CCDC33: variants seen among roughly 807,000 people sequenced by gnomAD.
CCDC33 encodes coiled-coil domain containing 33.
A neutral mutation model predicts 91.9 loss-of-function variants in CCDC33; 94 were observed. The ratio of observed to expected loss-of-function variants is 1.02; its 90% CI spans 0.87 to 1.21. The LOEUF is 1.21. Ranked by LOEUF, CCDC33 falls within the 50% of genes most tolerant of loss-of-function variation. The pLI is 0.00. For missense variants in CCDC33, 940 were observed against 935.5 expected, an observed-to-expected ratio of 1.00 and a Z score of -0.06; for synonymous variants, 396 against 374.5, an observed-to-expected ratio of 1.06 and a Z score of -0.66.
intron 2 of CCDC33, among the ~76,000 whole-genome samples, chr15:74,222,067 G>A (rs2074613330): frequency 6.6e-6 from 1 of 152,172 alleles, no homozygotes. Flanking sequence ...GATGTGACTC[G>A]GCTGGACATT....
chr15:74,217,709 A>C, intron 1 of CCDC33: 1 of 732,788 alleles, frequency 1.4e-6, no homozygotes, highest in South Asian at 2.2e-5. Context: ...CTGCATCCCA[A>C]AGCTCTGCCG....
chr15:74,215,644 T>C (rs1348839719), upstream of CCDC33, among the ~76,000 whole-genome samples: 3 of 152,020 alleles, frequency 2.0e-5, no homozygotes, highest in African/African-American at 7.2e-5. Context: ...GTGTGGACAT[T>C]AGGTGGTGGA....
intron 11 of CCDC33, among the ~76,000 whole-genome samples, chr15:74,319,358 C>A (rs560854123): frequency 6.6e-6 from 1 of 152,314 alleles, no homozygotes; most frequent in African/African-American, 2.4e-5. Context: ...TTCCCCCACC[C>A]AATGTGGGGC....
chr15:74,301,121 T>C (rs1249112171), intron 11 of CCDC33: 1 of 152,102 alleles, frequency 6.6e-6, no homozygotes, highest in African/African-American at 2.4e-5. Flanking sequence ...GTGTTAAGGT[T>C]CATCCTGAAC....
At chr15:74,327,460 C>T (rs1260755839) in intron 11 of CCDC33, among the ~76,000 whole-genome samples, 1 of 152,124 alleles carries the variant, frequency 6.6e-6, no homozygotes, top group Non-Finnish European at 1.5e-5. Context: ...CATGGTGAAA[C>T]TCCATCTCTA....
At chr15:74,323,175 AG>A (rs2060239963) in intron 11 of CCDC33, among the ~76,000 whole-genome samples, 2 of 152,040 alleles carry the variant, frequency 1.3e-5, no homozygotes, top group Non-Finnish European at 2.9e-5. Context: ...CCTTACCCAC[AG>A]CACCCAGCAT....
chr15:74,336,169 A>G, downstream of CCDC33: 1 of 1,480,286 alleles, frequency 6.8e-7, no homozygotes, highest in Non-Finnish European at 9.0e-7. Flanking sequence ...GGAGCAGGGC[A>G]GCCTGGGGGC....
intron 2 of CCDC33, among the ~76,000 whole-genome samples, chr15:74,260,389 C>T (rs906156926): frequency 2.6e-5 from 4 of 152,164 alleles, no homozygotes; most frequent in Admixed American, 1.3e-4. Context: ...AGAAGGACTC[C>T]GGCTCTCTGG....
In CCDC33 at chr15:74,298,569, C is replaced by T. The variant is rs188591554; in HGVS notation, c.1290+2621C>T. 3.2e-3 allele frequency among the ~76,000 whole-genome samples: 491 copies of T among 152,182 alleles called. 4 individuals are homozygous for T. Among genetic ancestry groups the T allele is most frequent in the African/African-American group, 0.011 (476 of 41,524 alleles). On this transcript the variant is annotated intron_variant, in intron 11 of 18. Transcript: ENST00000398814. ...TTTGTTTGTTTTCGAGATGGAGTTTCGCTCTTGTTATCCAGGCTGGAGTGC... is the reference window on the plus strand; with the variant it reads ...TTTGTTTGTTTTCGAGATGGAGTTTTGCTCTTGTTATCCAGGCTGGAGTGC...
intron 10 of CCDC33, among the ~76,000 whole-genome samples, chr15:74,283,820 C>CACACA (rs56079858): frequency 0.032 from 4,668 of 147,622 alleles, 81 homozygotes; most frequent in African/African-American, 0.047. Flanking sequence ...ACACACACAC[C>CACACA]CCCTCTACAT....
intron 11 of CCDC33, among the ~76,000 whole-genome samples, chr15:74,309,265 G>A (rs2059947036): frequency 6.6e-6 from 1 of 152,150 alleles, no homozygotes; most frequent in Non-Finnish European, 1.5e-5. Context: ...TTCTACCCAT[G>A]CTCAATGGCA....
chr15:74,271,699 C>G lies in CCDC33; in HGVS notation c.547-4C>G. ...TCACCTGCCTCCTCTCCTCTCCTCT[C>G]CAGATCTTTCTCCGGGGAGTCAACG... On this transcript the variant is annotated splice_region_variant and splice_polypyrimidine_tract_variant and intron_variant, in intron 5 of 18. Coordinates refer to ENST00000398814, the MANE Select transcript of CCDC33 (RefSeq NM_025055.5). 6.2e-7 allele frequency: 1 copy of G among 1,612,776 alleles called. No homozygotes were observed. The highest frequency in any genetic ancestry group is 8.5e-7 in the Non-Finnish European group (1 of 1,178,830).
intron 2 of CCDC33, among the ~76,000 whole-genome samples, chr15:74,256,039 C>T (rs1366354499): frequency 6.6e-6 from 1 of 152,252 alleles, no homozygotes; most frequent in Non-Finnish European, 1.5e-5. Flanking sequence ...GCAGTGGGAA[C>T]TGAGCTCCAG....
At chr15:74,275,678 CT>C (rs551722321) in intron 7 of CCDC33, among the ~76,000 whole-genome samples, 66 of 146,118 alleles carry the variant, frequency 4.5e-4, no homozygotes, top group East Asian at 4.0e-4. Flanking sequence ...GGCAGCCTCT[CT>C]TTTTTTTTTT....
chr15:74,295,514 G>GAACA (rs560223188), intron 10 of CCDC33, among the ~76,000 whole-genome samples: 56 of 152,262 alleles, frequency 3.7e-4, no homozygotes, highest in Non-Finnish European at 5.9e-4. Context: ...TCCAGGAAGA[G>GAACA]AACAGCAAAT....
At chr15:74,272,224 C>G (rs1431357557) in intron 6 of CCDC33, among the ~76,000 whole-genome samples, 1 of 152,086 alleles carries the variant, frequency 6.6e-6, no homozygotes, top group Non-Finnish European at 1.5e-5. Context: ...GCCACAGGCT[C>G]CAGCCAGTGG....
intron 1 of CCDC33, among the ~76,000 whole-genome samples, chr15:74,239,989 C>T (rs2075295265): frequency 6.6e-6 from 1 of 152,226 alleles, no homozygotes; most frequent in Non-Finnish European, 1.5e-5. Flanking sequence ...CCTGCAGATT[C>T]CCATCCAGAC....
At chr15:74,208,552 T>C (rs2074314287) in intron 1 of CCDC33, among the ~76,000 whole-genome samples, 1 of 152,116 alleles carries the variant, frequency 6.6e-6, no homozygotes, top group South Asian at 2.1e-4. Flanking sequence ...CAGATCCAAC[T>C]CAGACAGGAC....
chr15:74,250,365 G>A (rs567501217), intron 2 of CCDC33, among the ~76,000 whole-genome samples: 1 of 152,212 alleles, frequency 6.6e-6, no homozygotes, highest in South Asian at 2.1e-4. Flanking sequence ...CCCAGCAACA[G>A]GACCTCCACC....
Sources: gnomAD v4.1 joint callset for allele counts (sites outside exome capture counted in the v4.1 genomes callset) on GRCh38, gnomAD v4.1.1 for gene constraint, MANE v1.5 for transcripts, NCBI Gene and HGNC (gene_info 2026-07-23, HGNC 2026-07-21) for gene names.